MACROD2: variants seen among roughly 807,000 people sequenced by gnomAD.
The protein encoded by MACROD2 is ADP-ribose glycohydrolase MACROD2.
In MACROD2, 36 loss-of-function variants were observed where a neutral mutation model predicts 70.4. That is an observed-to-expected ratio of 0.51 (90% CI 0.39 to 0.68). The LOEUF is 0.68. Among genes scored for constraint, MACROD2 ranks in the 30% least tolerant of loss-of-function variants. The probability of loss-of-function intolerance (pLI) is 0.00; values close to 1 mark genes in which losing one functional copy is unlikely to be tolerated. For missense variants in MACROD2, 496 were observed against 538.4 expected (o/e 0.92, Z 0.78); for synonymous variants, 172 against 178.8 (o/e 0.96, Z 0.30).
intron 4 of MACROD2, among the ~76,000 whole-genome samples, chr20:14,498,800 G>A (rs929180505): frequency 3.3e-5 from 5 of 152,190 alleles, no homozygotes; most frequent in African/African-American, 9.7e-5. Context: ...GCATTCACAA[G>A]CAGAGTGGAG....
intron 4 of MACROD2, among the ~76,000 whole-genome samples, chr20:14,555,995 A>G (rs1359535164): frequency 1.3e-5 from 2 of 152,042 alleles, no homozygotes; most frequent in Non-Finnish European, 2.9e-5. Flanking sequence ...TAACTAATTG[A>G]AGTGACTTAA....
At chr20:15,830,623 A>G (rs1405482728) in intron 8 of MACROD2, among the ~76,000 whole-genome samples, 1 of 152,232 alleles carries the variant, frequency 6.6e-6, no homozygotes, top group Non-Finnish European at 1.5e-5. Flanking sequence ...ACCTGGGAGA[A>G]TCCCTCTTTT....
chr20:14,029,987 G>T (rs1034510403), intron 2 of MACROD2, among the ~76,000 whole-genome samples: 29 of 152,194 alleles, frequency 1.9e-4, no homozygotes, highest in African/African-American at 6.8e-4. Context: ...GATTGACACA[G>T]TGGGAGGAGG....
At chr20:15,365,478 A>G (rs2045395870) in intron 6 of MACROD2, among the ~76,000 whole-genome samples, 1 of 152,040 alleles carries the variant, frequency 6.6e-6, no homozygotes, top group African/African-American at 2.4e-5. Context: ...ATCCTGGCTA[A>G]CAGGATGAAA....
At chr20:15,039,152 T>A (rs1224564246) in intron 5 of MACROD2, among the ~76,000 whole-genome samples, 1 of 152,168 alleles carries the variant, frequency 6.6e-6, no homozygotes, top group African/African-American at 2.4e-5. Flanking sequence ...TGTGTTTTTT[T>A]AATGCTTAGG....
At chr20:14,518,127 ATAT>A (rs34028063) in intron 4 of MACROD2, among the ~76,000 whole-genome samples, 23,906 of 151,996 alleles carry the variant, frequency 0.16, 2,127 homozygotes, top group Non-Finnish European at 0.2. Context: ...AAAAATAAAG[ATAT>A]TATACCTCCA....
rs558789524 is a variant in MACROD2 at position 14,271,582 on chromosome 20, A to G, written c.271+185854A>G. Among the ~76,000 whole-genome samples, 3 of 152,352 alleles carry G rather than the reference A, an allele frequency of 2.0e-5. No individual in the cohort carries two copies. The South Asian group carries it at 6.2e-4, about 32-fold the overall frequency. On this transcript the variant is annotated intron_variant, in intron 3 of 17. Transcript: ENST00000684519. Reference sequence around the variant, plus strand: ...AAAAACTGGAAACTCTAAAAAACAGAGCGCCTTTCCTCCTCCAAAGGAATG... The same window carrying G: ...AAAAACTGGAAACTCTAAAAAACAGGGCGCCTTTCCTCCTCCAAAGGAATG...
chr20:15,399,656 A>G (rs1225876025), intron 6 of MACROD2, among the ~76,000 whole-genome samples: 1 of 152,262 alleles, frequency 6.6e-6, no homozygotes, highest in Non-Finnish European at 1.5e-5. Context: ...CACAATAAGC[A>G]TTTTAAGTGA....
intron 3 of MACROD2, among the ~76,000 whole-genome samples, chr20:14,376,862 T>C (rs1600176324): frequency 1.3e-5 from 2 of 151,730 alleles, no homozygotes; most frequent in African/African-American, 4.8e-5. Flanking sequence ...ATAATAGCCA[T>C]GTGATATTGG....
intron 15 of MACROD2, among the ~76,000 whole-genome samples, chr20:16,036,824 A>T (rs1293157204): frequency 6.6e-6 from 1 of 151,952 alleles, no homozygotes; most frequent in Non-Finnish European, 1.5e-5. Context: ...CGCACATGCA[A>T]ATTCACATAA....
intron 8 of MACROD2, among the ~76,000 whole-genome samples, chr20:15,856,075 A>G (rs1336813762): frequency 6.6e-6 from 1 of 152,204 alleles, no homozygotes; most frequent in African/African-American, 2.4e-5. Context: ...AGACATGTAC[A>G]TATTCAGCTA....
intron 15 of MACROD2, among the ~76,000 whole-genome samples, chr20:16,033,349 A>G (rs2067180468): frequency 6.6e-6 from 1 of 152,126 alleles, no homozygotes; most frequent in South Asian, 2.1e-4. Flanking sequence ...TCTGAGATTT[A>G]ATCTAGCTAC....
intron 3 of MACROD2, among the ~76,000 whole-genome samples, chr20:14,345,690 A>G (rs2083056748): frequency 1.3e-5 from 2 of 152,068 alleles, no homozygotes; most frequent in South Asian, 2.1e-4. Context: ...TTGGCCTCCC[A>G]AAGTGCTGGG....
rs188960517 is a variant in MACROD2 at position 14,691,741 on chromosome 20, A to G, written c.418+6782A>G. The stretch of plus-strand genomic sequence containing the variant: ...TCTGATTGTGAAAGCAGTGGAGTGG[A>G]CATGCTGCTAGGAGTATGACTCTGC... On this transcript the variant is annotated intron_variant, in intron 5 of 17. Coordinates refer to ENST00000684519, the MANE Select transcript of MACROD2 (RefSeq NM_001351661.2). 3.9e-4 allele frequency among the ~76,000 whole-genome samples: 60 copies of G among 152,286 alleles called. No homozygotes were observed. The Middle Eastern group carries it at 0.01, about 26-fold the overall frequency.
chr20:14,537,844 T>TG (rs1849207195), intron 4 of MACROD2, among the ~76,000 whole-genome samples: 1 of 152,204 alleles, frequency 6.6e-6, no homozygotes, highest in African/African-American at 2.4e-5. Flanking sequence ...CTTTGCCCAT[T>TG]TTAGACAGTC....
chr20:14,163,759 T>C (rs964860678), intron 3 of MACROD2, among the ~76,000 whole-genome samples: 5 of 151,558 alleles, frequency 3.3e-5, no homozygotes, highest in East Asian at 2.0e-4. Flanking sequence ...GAATATATTT[T>C]GTATTTCACT....
chr20:14,195,437 G>T (rs1351563086), intron 3 of MACROD2, among the ~76,000 whole-genome samples: 2 of 152,130 alleles, frequency 1.3e-5, no homozygotes, highest in East Asian at 1.9e-4. Flanking sequence ...GGGGAGAAGG[G>T]TGTGGTCCCT....
At chr20:14,895,649 GGGA>G (rs1461213856) in intron 5 of MACROD2, 1 of 152,002 alleles carries the variant, frequency 6.6e-6, no homozygotes, top group East Asian at 1.9e-4. Context: ...GGAAAAGGTG[GGGA>G]GGTAGCCTCT....
intron 5 of MACROD2, among the ~76,000 whole-genome samples, chr20:14,834,081 A>G (rs989505169): frequency 7.9e-5 from 12 of 152,164 alleles, no homozygotes; most frequent in Non-Finnish European, 1.8e-4. Context: ...ATGAAACTAC[A>G]TAATATATTA....
Sources: allele counts gnomAD v4.1 joint callset (sites outside exome capture counted in the v4.1 genomes callset), GRCh38; gene constraint gnomAD v4.1.1; transcripts MANE v1.5; gene names NCBI Gene and HGNC (gene_info 2026-07-23, HGNC 2026-07-21).